The following FAM163B variants were observed in gnomAD, a reference collection of about 807,000 sequenced individuals.
FAM163B encodes protein FAM163B.
A neutral mutation model predicts 7.6 loss-of-function variants in FAM163B; 4 were observed. The ratio of observed to expected loss-of-function variants is 0.52; its 90% CI spans 0.26 to 1.20. The LOEUF (loss-of-function observed/expected upper bound fraction) is 1.20. Among genes scored for constraint, FAM163B ranks in the 50% most tolerant of loss-of-function variants. The pLI, the probability that FAM163B is intolerant of heterozygous loss-of-function variation, is 0.14. For missense variants in FAM163B, 250 were observed against 243.0 expected, an observed-to-expected ratio of 1.03 and a Z score of -0.19; for synonymous variants, 120 against 111.6, an observed-to-expected ratio of 1.07 and a Z score of -0.47.
chr9:133,605,587 C>T (rs574063037), intron 1 of FAM163B, among the ~76,000 whole-genome samples: 1 of 152,204 alleles, frequency 6.6e-6, no homozygotes, highest in Admixed American at 6.5e-5. Context: ...ACGGACGGCT[C>T]CCCGAGGGCT....
In FAM163B at chr9:133,579,298, G is replaced by C. The variant is rs749016604; in HGVS notation, c.225C>G (p.Thr75=). The C allele has an allele frequency of 6.3e-4, 1,013 of 1,613,492 alleles. No individual in the cohort carries two copies. Among genetic ancestry groups the C allele is most frequent in the Non-Finnish European group, 8.1e-4 (958 of 1,179,924 alleles). The part of the protein sequence containing the change: ...VLTNGPALYP[T]ASTSFSQKSP... ...ACTTCTGGCTGAAGGAGGTGGAGGC[G>C]GTGGGGTAGAGCGCCGGCCCGTTGG... Residue 75 remains threonine, a synonymous_variant, in exon 3 of 3, where the codon ACC becomes ACG. Coordinates refer to ENST00000673969, the MANE Select transcript of FAM163B (RefSeq NM_001080515.3).
intron 1 of FAM163B, among the ~76,000 whole-genome samples, chr9:133,608,164 G>A (rs1831811991): frequency 6.6e-6 from 1 of 152,234 alleles, no homozygotes; most frequent in African/African-American, 2.4e-5. Flanking sequence ...TACTGGGGAA[G>A]GTGCTAGGAC....
At chr9:133,597,754 T>C (rs1056002981) in intron 1 of FAM163B, among the ~76,000 whole-genome samples, 1 of 151,908 alleles carries the variant, frequency 6.6e-6, no homozygotes, top group Non-Finnish European at 1.5e-5. Flanking sequence ...CTGCATGACC[T>C]ACAAGGGCTC....
chr9:133,596,201 G>A (rs539268752), intron 1 of FAM163B, among the ~76,000 whole-genome samples: 1 of 151,714 alleles, frequency 6.6e-6, no homozygotes, highest in East Asian at 2.0e-4. Flanking sequence ...ATGGGGAGCA[G>A]GGAGGAGTCC....
At position 133,579,473 on chromosome 9, in the gene FAM163B, C is replaced by T. The variant is rs1831320419; in HGVS notation, c.94-44G>A. 2.6e-6 allele frequency: 4 copies of T among 1,514,032 alleles called. No homozygotes were observed. The South Asian group carries it at 3.8e-5, about 14-fold the overall frequency. 93.8% of individuals were successfully genotyped at this position (1,514,032 alleles called of 1,614,324 possible). ...TGACCATGCGGCCGCCCGCTCCCAC[C>T]CCAGAACCGACATGTGGGAAAGGCT... is the stretch of plus-strand genomic sequence containing the variant. On this transcript the variant is annotated intron_variant, in intron 2 of 2. Coordinates refer to ENST00000673969, the MANE Select transcript of FAM163B (RefSeq NM_001080515.3).
At chr9:133,588,984 G>A (rs554248109) in intron 1 of FAM163B, among the ~76,000 whole-genome samples, 19 of 152,212 alleles carry the variant, frequency 1.2e-4, no homozygotes, top group South Asian at 4.2e-4. Context: ...GAAGAAGCTC[G>A]TGGTTCAGGC....
intron 1 of FAM163B, among the ~76,000 whole-genome samples, chr9:133,599,525 ATG>A (rs1275755271): frequency 1.3e-5 from 2 of 151,528 alleles, no homozygotes; most frequent in Non-Finnish European, 1.5e-5. Flanking sequence ...ATGCATATGT[ATG>A]TGTCTGTGTG....
chr9:133,584,569 G>T (rs1403325759), intron 1 of FAM163B, among the ~76,000 whole-genome samples: 2 of 152,250 alleles, frequency 1.3e-5, no homozygotes, highest in Non-Finnish European at 2.9e-5. Flanking sequence ...GCAGAGAACG[G>T]GAAGGGCTAC....
chr9:133,589,930 C>T (rs553977504), intron 1 of FAM163B, among the ~76,000 whole-genome samples: 13 of 152,170 alleles, frequency 8.5e-5, no homozygotes, highest in Admixed American at 2.0e-4. Flanking sequence ...CTGAAAACCC[C>T]GGGCAAGTCC....
intron 1 of FAM163B, among the ~76,000 whole-genome samples, chr9:133,593,146 T>TC (rs1042061725): frequency 1.3e-5 from 2 of 152,018 alleles, no homozygotes; most frequent in Non-Finnish European, 2.9e-5. Context: ...GATGAAGGTT[T>TC]CCCCCCCTGT....
In FAM163B at chr9:133,601,334, T is replaced by A. The variant is rs1831726924; in HGVS notation, c.-24+7743A>T. ...CAGCAAAGACCCTGCCTGGAGCAATTTTTTAACATTAATTCTCCTTTTTAA... is the reference window on the plus strand; with the variant it reads ...CAGCAAAGACCCTGCCTGGAGCAATATTTTAACATTAATTCTCCTTTTTAA... On this transcript the variant is annotated intron_variant, in intron 1 of 2. Transcript: ENST00000673969. This position sits in a 1 kb window ranked among gnomAD's most constrained non-coding sequence, Gnocchi z 4.1. Among the ~76,000 whole-genome samples, 1 of 152,238 alleles carries A rather than the reference T, an allele frequency of 6.6e-6. No individual in the cohort carries two copies. The highest frequency in any genetic ancestry group is 1.5e-5 in the Non-Finnish European group (1 of 68,040).
At chr9:133,583,987 T>C (rs2131222182) in intron 1 of FAM163B, among the ~76,000 whole-genome samples, 1 of 152,272 alleles carries the variant, frequency 6.6e-6, no homozygotes, top group East Asian at 1.9e-4. Context: ...ACGGCCTCCC[T>C]GGGCCTCCAC....
intron 1 of FAM163B, among the ~76,000 whole-genome samples, chr9:133,592,707 C>T (rs1564194667): frequency 6.6e-6 from 1 of 152,176 alleles, no homozygotes; most frequent in Non-Finnish European, 1.5e-5. Context: ...GACTTCTTTA[C>T]TTAAAGCACC....
chr9:133,586,455 C>T (rs1023014961), intron 1 of FAM163B, among the ~76,000 whole-genome samples: 2 of 152,186 alleles, frequency 1.3e-5, no homozygotes, highest in Non-Finnish European at 2.9e-5. Context: ...CCCGTGGTTG[C>T]CTGGATTCCT....
chr9:133,579,461 GC>G, intron 2 of FAM163B, 32 bp from the exon 3 acceptor site: 1 of 1,535,158 alleles, frequency 6.5e-7, no homozygotes. Context: ...CCATGCGGCC[GC>G]CCGCTCCCAC....
chr9:133,606,827 G>A lies in FAM163B; in HGVS notation c.-24+2250C>T, dbSNP rs533619115. 2.7e-4 allele frequency among the ~76,000 whole-genome samples: 41 copies of A among 152,178 alleles called. No homozygotes were observed. Among genetic ancestry groups the A allele is most frequent in the African/African-American group, 7.7e-4 (32 of 41,502 alleles). On this transcript the variant is annotated intron_variant, in intron 1 of 2. Transcript: ENST00000673969. This position sits in a 1 kb window ranked among gnomAD's most constrained non-coding sequence, Gnocchi z 4.0. Reference sequence around the variant, plus strand: ...AGATGTAATACATCTCTCCCCTCCCGAGTGCTGTAATTATTCCTCGCTGGA... The same window carrying A: ...AGATGTAATACATCTCTCCCCTCCCAAGTGCTGTAATTATTCCTCGCTGGA...
At chr9:133,587,674 G>A (rs2131230519) in intron 1 of FAM163B, among the ~76,000 whole-genome samples, 1 of 152,244 alleles carries the variant, frequency 6.6e-6, no homozygotes, top group African/African-American at 2.4e-5. Flanking sequence ...CCCGGCTGAG[G>A]GCTGCCTGGT....
rs1293053870 is a variant in FAM163B, at chr9:133,579,040, G to A, written c.483C>T (p.Ser161=). Residue 161 remains serine (S), a synonymous_variant, in exon 3 of 3, where the codon AGC becomes AGT. Coordinates refer to ENST00000673969, the MANE Select transcript of FAM163B (RefSeq NM_001080515.3). ...AMREAFARSR[S]ISTDV ...GCCCAGGTCACACGTCGGTGCTGAT[G>A]CTGCGGCTCCTGGCGAAGGCCTCCC... The A allele has an allele frequency of 6.4e-7, 1 of 1,558,480 alleles. No individual in the cohort carries two copies. Among genetic ancestry groups the A allele is most frequent in the East Asian group, 2.3e-5 (1 of 42,584 alleles).
At position 133,600,247 on chromosome 9, in the gene FAM163B, T is replaced by A. The variant is rs1438500976; in HGVS notation, c.-24+8830A>T. 7.1e-6 allele frequency among the ~76,000 whole-genome samples: 1 copy of A among 140,354 alleles called. No individual in the cohort carries two copies. The highest frequency in any genetic ancestry group is 1.5e-5 in the Non-Finnish European group (1 of 65,508). The allele number at this position is 140,354 out of a possible 152,430, so 92.1% of individuals were successfully genotyped here. A position where few individuals can be genotyped will look rare whatever the true frequency, so the allele number is the denominator to read the frequency against. On this transcript the variant is annotated intron_variant, in intron 1 of 2. Transcript: ENST00000673969. This position sits in a 1 kb window ranked among gnomAD's most constrained non-coding sequence, Gnocchi z 4.9. Reference sequence around the variant, plus strand: ...GGGGAATGTGGTCTGTGTGCATGTGTGTGAGTGTGGTCTGTGTGTGTGTGT... The same window carrying A: ...GGGGAATGTGGTCTGTGTGCATGTGAGTGAGTGTGGTCTGTGTGTGTGTGT...
Sources: allele counts gnomAD v4.1 joint callset (sites outside exome capture counted in the v4.1 genomes callset), GRCh38; gene constraint gnomAD v4.1.1; non-coding constraint Gnocchi (gnomAD v3.1); transcripts MANE v1.5; gene names NCBI Gene and HGNC (gene_info 2026-07-23, HGNC 2026-07-21).